Variants in GRIN3A observed in about 807,000 individuals in gnomAD.
The protein encoded by GRIN3A is glutamate receptor ionotropic, NMDA 3A.
Under a neutral mutation model 92.4 loss-of-function variants are expected in GRIN3A, and 47 were observed. The ratio of observed to expected loss-of-function variants is 0.51; its 90% confidence interval spans 0.40 to 0.65. The LOEUF is 0.65. GRIN3A is among the 30% of genes least tolerant of loss of function. GRIN3A has a pLI of 0.00. For synonymous variants in GRIN3A, 527 were observed against 540.6 expected (o/e 0.97, Z 0.35); for missense variants, 1,324 against 1,393.1 (o/e 0.95, Z 0.79).
intron 3 of GRIN3A, among the ~76,000 whole-genome samples, chr9:101,641,602 G>A (rs1176437616): frequency 6.6e-6 from 1 of 151,908 alleles, no homozygotes; most frequent in Non-Finnish European, 1.5e-5. Flanking sequence ...GACACAGGAA[G>A]GGGAACATCA....
chr9:101,666,142 G>C (rs1048427535), intron 3 of GRIN3A, among the ~76,000 whole-genome samples: 2 of 151,678 alleles, frequency 1.3e-5, no homozygotes, highest in Admixed American at 6.6e-5. Flanking sequence ...CTTATTCATG[G>C]TGCATTCCTT....
intron 1 of GRIN3A, among the ~76,000 whole-genome samples, chr9:101,687,727 C>G (rs1366508459): frequency 2.0e-5 from 3 of 152,168 alleles, no homozygotes; most frequent in Non-Finnish European, 4.4e-5. Flanking sequence ...GAAGACACTT[C>G]TAATAAGTAA....
At chr9:101,684,270 A>ATTT (rs3082771) in intron 2 of GRIN3A, among the ~76,000 whole-genome samples, 171 of 87,054 alleles carry the variant, frequency 2.0e-3, no homozygotes, top group East Asian at 0.017. Context: ...TGCTTAGCTA[A>ATTT]TTTTTTTTTT....
At chr9:101,675,075 C>T (rs534428237) in intron 2 of GRIN3A, among the ~76,000 whole-genome samples, 2 of 152,106 alleles carry the variant, frequency 1.3e-5, no homozygotes, top group African/African-American at 2.4e-5. Flanking sequence ...AGACCACTTA[C>T]AATATCTTTG....
chr9:101,628,584 A>G (rs1296970562), intron 3 of GRIN3A, among the ~76,000 whole-genome samples, 183 bp from the exon 4 acceptor site: 1 of 152,224 alleles, frequency 6.6e-6, no homozygotes, highest in African/African-American at 2.4e-5. Flanking sequence ...AAATTGCTCT[A>G]TCTTTAGAAG....
At chr9:101,666,406 A>G (rs1215560595) in intron 3 of GRIN3A, among the ~76,000 whole-genome samples, 5 of 151,938 alleles carry the variant, frequency 3.3e-5, no homozygotes, top group African/African-American at 1.2e-4. Context: ...AAAACCAAAT[A>G]CCACATGTTC....
At chr9:101,736,479 C>T (rs375967078) in intron 1 of GRIN3A, among the ~76,000 whole-genome samples, 25 of 152,114 alleles carry the variant, frequency 1.6e-4, no homozygotes, top group African/African-American at 6.0e-4. Flanking sequence ...CAATAAGAAA[C>T]TAAATCATTT....
intron 3 of GRIN3A, among the ~76,000 whole-genome samples, chr9:101,665,424 A>T (rs758359874): frequency 8.5e-5 from 13 of 152,048 alleles, no homozygotes; most frequent in East Asian, 1.9e-4. Context: ...GTTCAAGAGC[A>T]TTAACGGGGA....
chr9:101,635,283 T>C (rs1247369624), intron 3 of GRIN3A, among the ~76,000 whole-genome samples: 2 of 152,206 alleles, frequency 1.3e-5, no homozygotes, highest in African/African-American at 4.8e-5. Context: ...GGGCCAAATC[T>C]AGCCTGCTAC....
chr9:101,699,410 A>G (rs1829726497), intron 1 of GRIN3A, among the ~76,000 whole-genome samples: 1 of 152,202 alleles, frequency 6.6e-6, no homozygotes, highest in Non-Finnish European at 1.5e-5. Flanking sequence ...AACCTCTAAA[A>G]TAACCATAAA....
At chr9:101,589,502 T>C (rs1161450489) in intron 6 of GRIN3A, among the ~76,000 whole-genome samples, 2 of 152,204 alleles carry the variant, frequency 1.3e-5, no homozygotes, top group African/African-American at 4.8e-5. Flanking sequence ...ATATTGTAAT[T>C]TGTATTTATT....
intron 3 of GRIN3A, among the ~76,000 whole-genome samples, chr9:101,630,135 A>G (rs1407588154): frequency 6.6e-6 from 1 of 152,180 alleles, no homozygotes; most frequent in African/African-American, 2.4e-5. Context: ...AAATTTTTCT[A>G]TGTAAAGTCT....
chr9:101,646,772 C>T (rs1828943499), intron 3 of GRIN3A, among the ~76,000 whole-genome samples: 1 of 151,506 alleles, frequency 6.6e-6, no homozygotes, highest in Non-Finnish European at 1.5e-5. Flanking sequence ...TTGGTAGCTA[C>T]TGCGCATGGG....
chr9:101,650,806 T>A (rs1271552383), intron 3 of GRIN3A, among the ~76,000 whole-genome samples: 5 of 151,974 alleles, frequency 3.3e-5, no homozygotes, highest in Non-Finnish European at 7.4e-5. Flanking sequence ...TACCTCTGCC[T>A]GGAATTCCAC....
chr9:101,738,241 C>T lies in GRIN3A; in HGVS notation c.-262G>A, dbSNP rs2119056238. 9.7e-6 allele frequency: 5 copies of T among 517,934 alleles called. No individual in the cohort carries two copies. The South Asian group carries it at 1.1e-4, about 11-fold the overall frequency. The allele number at this position is 517,934 out of a possible 1,614,324, so 32.1% of individuals were successfully genotyped here. A position where few individuals can be genotyped will look rare whatever the true frequency, so the allele number is the denominator to read the frequency against. On this transcript the variant is annotated 5_prime_UTR_variant, in exon 1 of 9. Coordinates refer to ENST00000361820, the MANE Select transcript of GRIN3A (RefSeq NM_133445.3). ...TGCGCTGAGCAGGCAGGCGGGCGGG[C>T]CGGCGCCTGTCACCCGCAGCTGGAG...
rs1391632142 is a variant in GRIN3A at position 101,671,109 on chromosome 9, T to TG, written c.1305-3dup. The TG allele has an allele frequency of 6.2e-7, 1 of 1,610,866 alleles. No individual in the cohort carries two copies. Among genetic ancestry groups the TG allele is most frequent in the East Asian group, 2.2e-5 (1 of 44,860 alleles). ...CTGAAAGTGGTATTGGCTAGAAACC[T>TG]GGGAAAGAGGAGCAAAGGCAAAAAG... On this transcript the variant is annotated splice_polypyrimidine_tract_variant and splice_region_variant and intron_variant, in intron 2 of 8. Transcript: ENST00000361820.
chr9:101,686,292 A>G (rs13287476), intron 2 of GRIN3A, among the ~76,000 whole-genome samples: 19,892 of 152,172 alleles, frequency 0.13, 1,580 homozygotes, highest in Admixed American at 0.19. Flanking sequence ...TTTGCTAGTT[A>G]GAAAACTGAG....
intron 1 of GRIN3A, among the ~76,000 whole-genome samples, chr9:101,710,123 G>A (rs1355404703): frequency 6.6e-6 from 1 of 152,130 alleles, no homozygotes; most frequent in Non-Finnish European, 1.5e-5. Context: ...AGTATGGACA[G>A]TATCAGTTCA....
intron 1 of GRIN3A, among the ~76,000 whole-genome samples, chr9:101,721,295 A>G (rs1008709966): frequency 6.6e-6 from 1 of 152,188 alleles, no homozygotes; most frequent in African/African-American, 2.4e-5. Context: ...GCCACCATGT[A>G]AGAAGTGCCT....
Sources: allele counts gnomAD v4.1 joint callset (sites outside exome capture counted in the v4.1 genomes callset), GRCh38; gene constraint gnomAD v4.1.1; transcripts MANE v1.5; gene names NCBI Gene and HGNC (gene_info 2026-07-23, HGNC 2026-07-21).